GPC6: variants seen among roughly 807,000 people sequenced by gnomAD.
GPC6 encodes glypican 6, also known as glypican-6.
Under a neutral mutation model 55.2 loss-of-function variants are expected in GPC6, and 14 were observed. The observed-to-expected ratio is 0.25, with a 90% CI of 0.17 to 0.40. The LOEUF (loss-of-function observed/expected upper bound fraction) is 0.40. GPC6 is among the 10% of genes least tolerant of loss of function. The probability of loss-of-function intolerance (pLI) is 1.00; values close to 1 mark genes in which losing one functional copy is unlikely to be tolerated. For synonymous variants in GPC6, 278 were observed against 259.6 expected, an observed-to-expected ratio of 1.07 and a Z score of -0.68; for missense variants, 641 against 708.5, an observed-to-expected ratio of 0.90 and a Z score of 1.08.
intron 5 of GPC6, among the ~76,000 whole-genome samples, chr13:94,294,782 A>G (rs1437163012): frequency 6.6e-6 from 1 of 152,114 alleles, no homozygotes; most frequent in Non-Finnish European, 1.5e-5. Context: ...AGTATCATTT[A>G]TCTGTTTTTT....
chr13:93,738,936 TAC>T (rs56928879), intron 2 of GPC6, among the ~76,000 whole-genome samples: 56,514 of 145,262 alleles, frequency 0.39, 11,640 homozygotes, highest in Non-Finnish European at 0.49. Flanking sequence ...CACTTGGTTT[TAC>T]ACACACACAC....
In GPC6 at chr13:93,830,168, C is replaced by T; in HGVS notation, c.334C>T (p.Leu112Phe). Reference protein sequence around the residue: ...HKKFDEFFRELLENAEKSLND... With the variant: ...HKKFDEFFREFLENAEKSLND... ...TTTATCTGCAGAATTTTTCCGAGAG[C>T]TCCTGGAGAATGCAGAAAAGTCACT... The change falls in exon 3 of 9, where the codon CTC (leucine) becomes TTC (phenylalanine). Residue 112 changes from leucine (L) to phenylalanine (F), a missense_variant. Leu to Phe is a conservative substitution (Grantham distance 22, BLOSUM62 0). Transcript: ENST00000377047. 6.2e-7 allele frequency: 1 copy of T among 1,608,092 alleles called. No individual in the cohort carries two copies. Among genetic ancestry groups the T allele is most frequent in the African/African-American group, 1.3e-5 (1 of 74,722 alleles).
At chr13:94,017,862 G>A (rs1394693121) in intron 3 of GPC6, among the ~76,000 whole-genome samples, 3 of 151,888 alleles carry the variant, frequency 2.0e-5, no homozygotes, top group Non-Finnish European at 4.4e-5. Flanking sequence ...ATTTTTAGTA[G>A]AGATGGGGTT....
Position 94,351,962 on chromosome 13 carries a change from CAAAAAA to C in GPC6, c.1153-30437_1153-30432del, listed in dbSNP as rs60206836. ...GGCAAGGAGAGGAGAGAGAAGAAGG[CAAAAAA>C]AAAAAAAAAAAAAAGAAAAAGAAAA... On this transcript the variant is annotated intron_variant, in intron 6 of 8. Transcript: ENST00000377047. Among the ~76,000 whole-genome samples the C allele has an allele frequency of 4.6e-3, 469 of 101,498 alleles. 3 individuals are homozygous for C. Among genetic ancestry groups the C allele is most frequent in the Middle Eastern group, 0.014 (3 of 216 alleles). 66.6% of individuals were successfully genotyped at this position (101,498 alleles called of 152,430 possible).
intron 2 of GPC6, among the ~76,000 whole-genome samples, chr13:93,601,621 C>G (rs1287300043): frequency 6.6e-6 from 1 of 152,140 alleles, no homozygotes; most frequent in Non-Finnish European, 1.5e-5. Flanking sequence ...AAAAGCTTTG[C>G]AGTTCTCATT....
rs553655562 is a variant in GPC6 at position 94,061,773 on chromosome 13, C to T, written c.877+33879C>T. Among the ~76,000 whole-genome samples, 31 of 150,382 alleles carry T rather than the reference C, an allele frequency of 2.1e-4. No individual in the cohort carries two copies. In the South Asian group the frequency reaches 2.7e-3, roughly 13 times the overall value. ...TGTATTGTTGATGTATGACATCCAT[C>T]GGGGAGAGTCAGCCCTGGGGGAAAA... On this transcript the variant is annotated intron_variant, in intron 4 of 8. Coordinates refer to ENST00000377047, the MANE Select transcript of GPC6 (RefSeq NM_005708.5).
intron 1 of GPC6, among the ~76,000 whole-genome samples, chr13:93,438,273 C>T (rs1481198021): frequency 6.6e-6 from 1 of 152,114 alleles, no homozygotes; most frequent in Non-Finnish European, 1.5e-5. Flanking sequence ...GGAGTCATTT[C>T]GACTTTCAAA....
chr13:94,001,902 G>T (rs1354470395), intron 3 of GPC6, among the ~76,000 whole-genome samples: 1 of 152,132 alleles, frequency 6.6e-6, no homozygotes, highest in East Asian at 1.9e-4. Context: ...TGCTGGAGAG[G>T]TTTTAGCATT....
At chr13:93,359,769 A>G (rs1305611044) in intron 1 of GPC6, among the ~76,000 whole-genome samples, 1 of 152,104 alleles carries the variant, frequency 6.6e-6, no homozygotes, top group Non-Finnish European at 1.5e-5. Flanking sequence ...GGAGGAAGGC[A>G]AGGTAAGTCT....
intron 2 of GPC6, among the ~76,000 whole-genome samples, chr13:93,817,169 C>T (rs573332011): frequency 4.7e-4 from 72 of 152,294 alleles, no homozygotes; most frequent in African/African-American, 1.6e-3. Flanking sequence ...GCCTCTGTTT[C>T]CCTAAATGTA....
chr13:94,299,535 G>A (rs1018876631), intron 5 of GPC6, among the ~76,000 whole-genome samples: 3 of 152,206 alleles, frequency 2.0e-5, no homozygotes, highest in Non-Finnish European at 4.4e-5. Flanking sequence ...AAGCCCTCAT[G>A]GGCTGGATTA....
At chr13:94,400,560 G>A (rs947640063) in intron 8 of GPC6, among the ~76,000 whole-genome samples, 1 of 152,136 alleles carries the variant, frequency 6.6e-6, no homozygotes, top group Admixed American at 6.5e-5. Flanking sequence ...ATAGTGTATT[G>A]AAGTGATCTT....
intron 2 of GPC6, among the ~76,000 whole-genome samples, chr13:93,665,795 G>A (rs1881107727): frequency 6.6e-6 from 1 of 152,112 alleles, no homozygotes. Context: ...TGTCATGTAT[G>A]TAATTCAGAA....
intron 2 of GPC6, among the ~76,000 whole-genome samples, chr13:93,729,503 T>C (rs1883752437): frequency 6.6e-6 from 1 of 152,168 alleles, no homozygotes; most frequent in South Asian, 2.1e-4. Flanking sequence ...CACCACTGTA[T>C]ACTCATCCAA....
At chr13:93,538,831 A>G (rs921300200) in intron 1 of GPC6, among the ~76,000 whole-genome samples, 2 of 152,256 alleles carry the variant, frequency 1.3e-5, no homozygotes, top group Non-Finnish European at 1.5e-5. Context: ...TGCCCTTAAC[A>G]TCTATTTCAC....
At chr13:94,136,143 C>A (rs2138873498) in intron 4 of GPC6, among the ~76,000 whole-genome samples, 1 of 151,024 alleles carries the variant, frequency 6.6e-6, no homozygotes, top group South Asian at 2.1e-4. Context: ...AGGGAATAAT[C>A]TTAGAATAAA....
chr13:93,945,909 A>G (rs893931918), intron 3 of GPC6, among the ~76,000 whole-genome samples: 1 of 152,208 alleles, frequency 6.6e-6, no homozygotes, highest in Non-Finnish European at 1.5e-5. Flanking sequence ...TTCACCAATG[A>G]TATCAGTCAC....
At chr13:94,274,945 T>C (rs1317384196) in intron 4 of GPC6, among the ~76,000 whole-genome samples, 1 of 152,206 alleles carries the variant, frequency 6.6e-6, no homozygotes, top group Non-Finnish European at 1.5e-5. Flanking sequence ...ATTTATCCTG[T>C]AGACCAGTGC....
At chr13:93,439,694 A>AAAAATAAAAT (rs57815842) in intron 1 of GPC6, among the ~76,000 whole-genome samples, 28 of 146,520 alleles carry the variant, frequency 1.9e-4, no homozygotes, top group African/African-American at 7.0e-4. Flanking sequence ...AATAAATAAA[A>AAAAATAAAAT]AAAATAAAAT....
Sources: gnomAD v4.1 joint callset for allele counts (sites outside exome capture counted in the v4.1 genomes callset) on GRCh38, gnomAD v4.1.1 for gene constraint, MANE v1.5 for transcripts, NCBI Gene and HGNC (gene_info 2026-07-23, HGNC 2026-07-21) for gene names.